Variants in CPAMD8 observed in about 807,000 individuals in gnomAD.
CPAMD8 encodes the protein C3 and PZP like alpha-2-macroglobulin domain containing 8.
A neutral mutation model predicts 224.7 loss-of-function variants in CPAMD8; 146 were observed. That is an observed-to-expected ratio of 0.65 (90% confidence interval 0.57 to 0.75). The LOEUF (loss-of-function observed/expected upper bound fraction) is 0.75, where lower values mean the gene tolerates loss of function less well. Among genes scored for constraint, CPAMD8 ranks in the 30% least tolerant of loss-of-function variants. CPAMD8 has a pLI of 0.00. For synonymous variants in CPAMD8, 966 were observed against 1,044.6 expected, an observed-to-expected ratio of 0.92 and a Z score of 1.45; for missense variants, 2,301 against 2,537.5, an observed-to-expected ratio of 0.91 and a Z score of 2.00.
chr19:16,972,314 C>A (rs1207245146), intron 17 of CPAMD8, among the ~76,000 whole-genome samples: 1 of 152,152 alleles, frequency 6.6e-6, no homozygotes, highest in Non-Finnish European at 1.5e-5. Flanking sequence ...GAGGAGTGCA[C>A]CACCATGCCC....
chr19:17,005,750 A>C (rs553547351), intron 7 of CPAMD8, among the ~76,000 whole-genome samples: 1 of 152,216 alleles, frequency 6.6e-6, no homozygotes, highest in Admixed American at 6.5e-5. Flanking sequence ...GGCTTCTCTC[A>C]ATCACATTGG....
At chr19:16,970,724 C>T (rs182155924) in intron 18 of CPAMD8, among the ~76,000 whole-genome samples, 167 bp downstream of exon 18, 1 of 152,286 alleles carries the variant, frequency 6.6e-6, no homozygotes, top group East Asian at 1.9e-4. Flanking sequence ...AGCTGGTGCC[C>T]TGTTCTTGGA....
intron 21 of CPAMD8, among the ~76,000 whole-genome samples, chr19:16,946,303 A>C (rs1383209026): frequency 6.7e-6 from 1 of 148,466 alleles, no homozygotes; most frequent in African/African-American, 2.5e-5. Flanking sequence ...ATGTCTACAC[A>C]TGCAGGCATG....
chr19:16,899,359 AGT>A lies in CPAMD8; in HGVS notation c.4848+114_4848+115del. On this transcript the variant is annotated intron_variant, in intron 37 of 41. Transcript: ENST00000443236. This position sits in a 1 kb window ranked among gnomAD's most constrained non-coding sequence, Gnocchi z 5.4. ...GGCATGAGCCACCATGCCCGGCCCCAGTGTCTTTTTTATGGTACAAGATACTT... is the reference window on the plus strand; with the variant it reads ...GGCATGAGCCACCATGCCCGGCCCCAGTCTTTTTTATGGTACAAGATACTT... 2 of 656,462 alleles carry A rather than the reference AGT, an allele frequency of 3.0e-6. No homozygotes were observed. The highest frequency in any genetic ancestry group is 3.2e-5 in the South Asian group (2 of 63,128). The allele number at this position is 656,462 out of a possible 1,614,324, so 40.7% of individuals were successfully genotyped here. A position where few individuals can be genotyped will look rare whatever the true frequency, so the allele number is the denominator to read the frequency against.
At chr19:16,948,788 G>A (rs946398563) in intron 20 of CPAMD8, among the ~76,000 whole-genome samples, 1 of 142,492 alleles carries the variant, frequency 7.0e-6, no homozygotes, top group Non-Finnish European at 1.5e-5. Context: ...GAAAGGAGGG[G>A]AAGGGAGGGG....
Position 17,011,444 on chromosome 19 carries a change from G to A in CPAMD8, c.486+20C>T. 3.1e-6 allele frequency: 5 copies of A among 1,614,202 alleles called. No individual in the cohort carries two copies. Among genetic ancestry groups the A allele is most frequent in the Non-Finnish European group, 4.2e-6 (5 of 1,180,030 alleles). On this transcript the variant is annotated intron_variant, in intron 5 of 41. Transcript: ENST00000443236. ...CAAGTGGGTGCACTCCGGGCCCGCG[G>A]TTTTAGAAGCTGATCTCACCTTCTC...
intron 15 of CPAMD8, among the ~76,000 whole-genome samples, chr19:16,976,616 T>A (rs538905224): frequency 6.6e-6 from 1 of 152,122 alleles, no homozygotes; most frequent in East Asian, 1.9e-4. Context: ...CCTCGCTACC[T>A]GGGTGAAACT....
rs781201629 is a variant in CPAMD8, at chr19:16,980,626, A to G, written c.1456T>C (p.Tyr486His). 3.1e-6 allele frequency: 5 copies of G among 1,604,790 alleles called. No individual in the cohort carries two copies. The Admixed American group carries it at 6.9e-5, about 22-fold the overall frequency. Residue 486 changes from tyrosine to histidine, a missense_variant, in exon 14 of 42, where the codon TAC (tyrosine) becomes CAC (histidine). Physicochemically the swap from Tyr to His is moderately conservative, Grantham distance 83. Transcript: ENST00000443236. ...STCPCNFTLY[Y>H]EVAARGNIVL... Reference sequence around the variant, plus strand: ...ATATTGCCCCGTGCAGCCACCTCGTAGTACAGGGTAAAGTTGCAGGGACAT... The same window carrying G: ...ATATTGCCCCGTGCAGCCACCTCGTGGTACAGGGTAAAGTTGCAGGGACAT...
chr19:16,977,527 G>T lies in CPAMD8; in HGVS notation c.1599C>A (p.Ala533=). ...CACACACGTCGACCTCAGCTTCTGG[G>T]GCTGGTGGGGGCTCTGAGGTGAGCA... The part of the protein sequence containing the change: ...THLSETEPPP[A]PEAEVDVCVT... The change falls in exon 15 of 42, where the codon GCC becomes GCA. Residue 533 remains alanine (A), a synonymous_variant. Transcript: ENST00000443236. 6.3e-7 allele frequency: 1 copy of T among 1,595,496 alleles called. No homozygotes were observed.
At chr19:17,024,353 C>T (rs1482682641) in intron 1 of CPAMD8, among the ~76,000 whole-genome samples, 1 of 152,148 alleles carries the variant, frequency 6.6e-6, no homozygotes, top group African/African-American at 2.4e-5. Flanking sequence ...TTTGCAAGAC[C>T]CTGGGTATGT....
At chr19:16,971,119 G>C in intron 17 of CPAMD8, 86 bp from the exon 18 acceptor site, 3 of 1,240,434 alleles carry the variant, frequency 2.4e-6, no homozygotes, top group Non-Finnish European at 3.3e-6. Context: ...TCACCCTGTG[G>C]CCACTGTCCC....
chr19:16,974,668 A>G (rs897563850), intron 17 of CPAMD8, among the ~76,000 whole-genome samples: 5 of 152,034 alleles, frequency 3.3e-5, no homozygotes, highest in Non-Finnish European at 7.4e-5. Flanking sequence ...GGAGAAATGA[A>G]AAAGAAAAGT....
chr19:16,930,186 T>A (rs1255334985), intron 23 of CPAMD8, among the ~76,000 whole-genome samples: 1 of 149,154 alleles, frequency 6.7e-6, no homozygotes, highest in African/African-American at 2.5e-5. Context: ...ACCCAGGAGG[T>A]GGAGGTTTCA....
chr19:16,945,140 C>T (rs57469951), intron 22 of CPAMD8, among the ~76,000 whole-genome samples: 1 of 151,954 alleles, frequency 6.6e-6, no homozygotes, highest in South Asian at 2.1e-4. Flanking sequence ...AAGATCCTGG[C>T]GCCTGCCTCT....
chr19:16,905,766 G>C (rs1039303079), intron 30 of CPAMD8, among the ~76,000 whole-genome samples: 31 of 152,084 alleles, frequency 2.0e-4, no homozygotes, highest in East Asian at 3.9e-4. Flanking sequence ...AGAGAAACCT[G>C]TCTGAGCCCC....
At chr19:16,998,961 T>C (rs1032999963) in intron 10 of CPAMD8, among the ~76,000 whole-genome samples, 5 of 152,024 alleles carry the variant, frequency 3.3e-5, no homozygotes, top group African/African-American at 9.7e-5. Flanking sequence ...GATAAACACA[T>C]TGTGGTCCAT....
intron 10 of CPAMD8, among the ~76,000 whole-genome samples, chr19:17,000,055 C>T (rs538172775): frequency 2.6e-5 from 4 of 152,254 alleles, no homozygotes; most frequent in African/African-American, 9.6e-5. Context: ...TCATGTCCAC[C>T]TATTGGAGAA....
intron 30 of CPAMD8, among the ~76,000 whole-genome samples, chr19:16,904,890 A>T (rs1391600083): frequency 6.6e-6 from 1 of 152,174 alleles, no homozygotes; most frequent in South Asian, 2.1e-4. Context: ...CCAGGTACTG[A>T]TCCAGCCCCT....
intron 20 of CPAMD8, among the ~76,000 whole-genome samples, chr19:16,950,095 C>T (rs1411063110): frequency 3.3e-5 from 5 of 151,706 alleles, no homozygotes; most frequent in African/African-American, 1.2e-4. Context: ...GTCAGGAGTT[C>T]GAGACCAGCC....
Sources: gnomAD v4.1 joint callset for allele counts (sites outside exome capture counted in the v4.1 genomes callset) on GRCh38, gnomAD v4.1.1 for gene constraint, Gnocchi (gnomAD v3.1) non-coding constraint, MANE v1.5 for transcripts, NCBI Gene and HGNC (gene_info 2026-07-23, HGNC 2026-07-21) for gene names.